C7orf57: variants seen among roughly 807,000 people sequenced by gnomAD.
C7orf57 encodes the protein chromosome 7 open reading frame 57, also known as uncharacterized protein C7orf57.
A neutral mutation model predicts 39.0 loss-of-function variants in C7orf57; 33 were observed. The observed-to-expected ratio is 0.85, with a 90% CI of 0.64 to 1.13. The LOEUF (loss-of-function observed/expected upper bound fraction) is 1.13, where lower values mean the gene tolerates loss of function less well. Ranked by LOEUF, C7orf57 falls within the 50% of genes most tolerant of loss-of-function variation. The pLI is 0.00. For missense variants in C7orf57, 346 were observed against 362.3 expected, an observed-to-expected ratio of 0.95 and a Z score of 0.37; for synonymous variants, 124 against 137.1, an observed-to-expected ratio of 0.90 and a Z score of 0.67.
rs1790337400 is a variant in C7orf57 at position 48,035,835 on chromosome 7, C to T, written c.-102+205C>T. 6.6e-6 allele frequency among the ~76,000 whole-genome samples: 1 copy of T among 152,222 alleles called. No homozygotes were observed. Among genetic ancestry groups the T allele is most frequent in the Non-Finnish European group, 1.5e-5 (1 of 68,046 alleles). ...CTTGGTTACCTGTTGCTTATCCTCT[C>T]TGTACTTGCTGTGTCCCTGGCGTGG... On this transcript the variant is annotated intron_variant, in intron 1 of 8. Coordinates refer to ENST00000348904, the MANE Select transcript of C7orf57 (RefSeq NM_001100159.3). The surrounding 1 kb of genome is among the most constrained non-coding windows in gnomAD (Gnocchi z 4.0).
chr7:48,053,139 C>CT, intron 7 of C7orf57: 1 of 663,246 alleles, frequency 1.5e-6, no homozygotes, highest in Non-Finnish European at 2.7e-6. Context: ...GAAGTCATGA[C>CT]TTTTGGGGTT....
intron 6 of C7orf57, among the ~76,000 whole-genome samples, chr7:48,050,371 G>A (rs973833819): frequency 2.0e-5 from 3 of 152,214 alleles, no homozygotes; most frequent in East Asian, 1.9e-4. Context: ...TGAGGTGTCC[G>A]CGCCTTGTAA....
intron 5 of C7orf57, among the ~76,000 whole-genome samples, chr7:48,048,767 T>C (rs1219728526): frequency 1.8e-5 from 2 of 109,094 alleles, no homozygotes; most frequent in African/African-American, 3.2e-5. Flanking sequence ...TTGCAAGCCC[T>C]GATCTGTTTT....
At chr7:48,057,409 C>CT (rs1791146895) in intron 8 of C7orf57, among the ~76,000 whole-genome samples, 1 of 151,980 alleles carries the variant, frequency 6.6e-6, no homozygotes, top group South Asian at 2.1e-4. Flanking sequence ...TCCTTACTTT[C>CT]TTTTTCAGAT....
chr7:48,051,871 CTCTTTCTCTTTCTTTCT>C (rs1790952605), intron 6 of C7orf57, among the ~76,000 whole-genome samples: 4 of 31,858 alleles, frequency 1.3e-4, no homozygotes, highest in East Asian at 5.8e-4. Flanking sequence ...TTCTTTCTTT[CTCTTTCTCTTTCTTTCT>C]TTCCTTCCTT....
intron 2 of C7orf57, among the ~76,000 whole-genome samples, chr7:48,037,005 G>A (rs1790390544): frequency 1.3e-5 from 2 of 152,020 alleles, no homozygotes; most frequent in Non-Finnish European, 2.9e-5. Flanking sequence ...AGGGTCCTGG[G>A]GATCAGCTGG....
chr7:48,050,575 C>A (rs535542906), intron 6 of C7orf57, among the ~76,000 whole-genome samples: 4 of 152,164 alleles, frequency 2.6e-5, no homozygotes, highest in African/African-American at 9.7e-5. Context: ...GGGGAAAAAA[C>A]AATCAGATAC....
intron 8 of C7orf57, among the ~76,000 whole-genome samples, chr7:48,058,789 G>T (rs1022597238): frequency 2.0e-5 from 3 of 152,090 alleles, no homozygotes; most frequent in Non-Finnish European, 4.4e-5. Flanking sequence ...ATTCTGCATT[G>T]TCTTAAGAAG....
chr7:48,043,300 C>A (rs1486846096), intron 3 of C7orf57, among the ~76,000 whole-genome samples, 181 bp from the exon 4 acceptor site: 1 of 152,180 alleles, frequency 6.6e-6, no homozygotes. Flanking sequence ...GCAGGACGCC[C>A]ACCTGTCAGC....
intron 7 of C7orf57, 197 bp downstream of exon 7, chr7:48,053,120 T>C (rs1352517830): frequency 1.4e-6 from 1 of 690,554 alleles, no homozygotes; most frequent in South Asian, 1.5e-5. Context: ...TTTATTCAAA[T>C]GAATAGCGGA....
rs950226303 is a variant in C7orf57, at chr7:48,036,241, G to T, written c.-68G>T. ...CCTGGCAACTGGTCAAGCAGGCAGC[G>T]TCCAGCGCACCCGCGAACACCAGGT... is the stretch of plus-strand genomic sequence containing the variant. On this transcript the variant is annotated 5_prime_UTR_variant, in exon 2 of 9. Coordinates refer to ENST00000348904, the MANE Select transcript of C7orf57 (RefSeq NM_001100159.3). 6.6e-6 allele frequency: 10 copies of T among 1,512,364 alleles called. No individual in the cohort carries two copies. The African/African-American group carries it at 9.7e-5, about 15-fold the overall frequency. The allele number at this position is 1,512,364 out of a possible 1,614,324, so 93.7% of individuals were successfully genotyped here. A position where few individuals can be genotyped will look rare whatever the true frequency, so the allele number is the denominator to read the frequency against.
rs535804228 is a variant in C7orf57, at chr7:48,050,766, C to T, written c.605+789C>T. On this transcript the variant is annotated intron_variant, in intron 6 of 8. Transcript: ENST00000348904. ...ACAAAGTGATTGAACCCCTCCTGGG[C>T]GCAAGAAATCCTCCCACCTCAGCCT... Among the ~76,000 whole-genome samples the T allele has an allele frequency of 2.6e-5, 4 of 152,228 alleles. No individual in the cohort carries two copies. In the East Asian group the frequency reaches 7.7e-4, roughly 29 times the overall value.
chr7:48,051,685 T>G (rs2128796070), intron 6 of C7orf57, among the ~76,000 whole-genome samples: 1 of 147,046 alleles, frequency 6.8e-6, no homozygotes, highest in African/African-American at 2.5e-5. Context: ...CCTTCCTTCC[T>G]TCCCTTTCTT....
At position 48,043,307 on chromosome 7, in the gene C7orf57, C is replaced by T. The variant is rs544621164; in HGVS notation, c.242-174C>T. On this transcript the variant is annotated intron_variant, in intron 3 of 8. Transcript: ENST00000348904. ...AGCACAAAGCAGGACGCCCACCTGT[C>T]AGCCTGTGCACAGACAGGTGAGGAT... Among the ~76,000 whole-genome samples the T allele has an allele frequency of 1.4e-3, 213 of 152,346 alleles. 1 individual carries two copies. Among genetic ancestry groups the T allele is most frequent in the African/African-American group, 4.7e-3 (197 of 41,588 alleles).
Position 48,061,249 on chromosome 7 carries a change from A to G in C7orf57, c.*977A>G, listed in dbSNP as rs951139600. ...TACAGGAGAATGTATGCAATGTGTA[A>G]AAAATGCAAATGGCTGTATGCATTG... On this transcript the variant is annotated 3_prime_UTR_variant, in exon 9 of 9. Transcript: ENST00000348904. The G allele has an allele frequency of 2.0e-5, 3 of 152,152 alleles. No individual in the cohort carries two copies. The highest frequency in any genetic ancestry group is 7.2e-5 in the African/African-American group (3 of 41,434). 9.4% of individuals were successfully genotyped at this position (152,152 alleles called of 1,614,324 possible). A position where few individuals can be genotyped will look rare whatever the true frequency, so the allele number is the denominator to read the frequency against.
chr7:48,054,535 C>A, intron 7 of C7orf57, 60 bp from the exon 8 acceptor site: 1 of 1,349,758 alleles, frequency 7.4e-7, no homozygotes, highest in Non-Finnish European at 1.0e-6. Flanking sequence ...GTAATTATGA[C>A]TTCTTTTAAT....
chr7:48,046,536 T>G lies in C7orf57; in HGVS notation c.427T>G (p.Ser143Ala), dbSNP rs1466164541. 6.2e-7 allele frequency: 1 copy of G among 1,613,738 alleles called. No individual in the cohort carries two copies. Among genetic ancestry groups the G allele is most frequent in the Non-Finnish European group, 8.5e-7 (1 of 1,179,840 alleles). The change falls in exon 5 of 9, where the codon TCC (serine) becomes GCC (alanine). Residue 143 changes from serine to alanine, a missense_variant. Physicochemically the swap from Ser to Ala is moderately conservative, Grantham distance 99 (BLOSUM62 1). Transcript: ENST00000348904. ...NPDQANGSYA[S>A]RRGPFDFDMK... ...CGATCAAGCCAATGGTAGCTATGCATCCAGAAGAGGGCCCTTCGACTTCGA... is the reference window on the plus strand; with the variant it reads ...CGATCAAGCCAATGGTAGCTATGCAGCCAGAAGAGGGCCCTTCGACTTCGA...
chr7:48,059,161 TCA>T (rs1791216565), intron 8 of C7orf57, among the ~76,000 whole-genome samples: 1 of 152,202 alleles, frequency 6.6e-6, no homozygotes, highest in African/African-American at 2.4e-5. Context: ...CTCTCCACTG[TCA>T]GTCTGACCAC....
At chr7:48,042,576 T>C (rs1273258285) in intron 3 of C7orf57, among the ~76,000 whole-genome samples, 2 of 151,726 alleles carry the variant, frequency 1.3e-5, no homozygotes, top group Non-Finnish European at 2.9e-5. Flanking sequence ...AAAGCAAATG[T>C]GGTAGAATAT....
Sources: gnomAD v4.1 joint callset for allele counts (sites outside exome capture counted in the v4.1 genomes callset) on GRCh38, gnomAD v4.1.1 for gene constraint, Gnocchi (gnomAD v3.1) non-coding constraint, MANE v1.5 for transcripts, NCBI Gene and HGNC (gene_info 2026-07-23, HGNC 2026-07-21) for gene names.